The following PHYHD1 variants were observed in gnomAD, a reference collection of about 807,000 sequenced individuals.
PHYHD1 encodes phytanoyl-CoA dioxygenase domain-containing protein 1.
Under a neutral mutation model 43.6 loss-of-function variants are expected in PHYHD1, and 42 were observed. That is an observed-to-expected ratio of 0.96 (90% CI 0.75 to 1.25). The LOEUF (loss-of-function observed/expected upper bound fraction) is 1.25. Among genes scored for constraint, PHYHD1 ranks in the 50% most tolerant of loss-of-function variants. The pLI, the probability that PHYHD1 is intolerant of heterozygous loss-of-function variation, is 0.00. For missense variants in PHYHD1, 342 were observed against 370.8 expected (o/e 0.92, Z 0.64); for synonymous variants, 139 against 143.6 (o/e 0.97, Z 0.23).
intron 3 of PHYHD1, among the ~76,000 whole-genome samples, chr9:128,926,224 C>T (rs865794412): frequency 6.6e-6 from 1 of 152,072 alleles, no homozygotes; most frequent in Non-Finnish European, 1.5e-5. Context: ...TTTCCCTTGC[C>T]GCTCCTTTTT....
At chr9:128,941,127 G>A (rs138223342) in intron 11 of PHYHD1, among the ~76,000 whole-genome samples, 569 of 152,282 alleles carry the variant, frequency 3.7e-3, no homozygotes, top group African/African-American at 0.013. Context: ...CAGCATCACC[G>A]GAGAGGTCCC....
chr9:128,933,921 C>T lies in PHYHD1; in HGVS notation c.268+64C>T, dbSNP rs1841360749. 2.1e-5 allele frequency: 33 copies of T among 1,604,984 alleles called. No homozygotes were observed. The South Asian group carries it at 3.1e-4, about 15-fold the overall frequency. ...GTGAGGGTAGGCTGGACCTGGGAAT[C>T]TGCCCCCTGGGCTGGAAGCATGCTG... On this transcript the variant is annotated intron_variant, in intron 5 of 12. Transcript: ENST00000372592.
rs1258300033 is a variant in PHYHD1, at chr9:128,932,184, AT to A, written c.193-1586del. Among the ~76,000 whole-genome samples the A allele has an allele frequency of 7.1e-3, 770 of 108,622 alleles. 14 individuals carry two copies. Among genetic ancestry groups the A allele is most frequent in the African/African-American group, 0.028 (662 of 23,894 alleles). 71.3% of individuals were successfully genotyped at this position (108,622 alleles called of 152,430 possible). A position where few individuals can be genotyped will look rare whatever the true frequency, so the allele number is the denominator to read the frequency against. ...TATTATTATTGTTATTATTATTATT[AT>A]TTTTTTTTTTTGAGATGGAGTCTCG... On this transcript the variant is annotated intron_variant, in intron 4 of 12. Coordinates refer to ENST00000372592, the MANE Select transcript of PHYHD1 (RefSeq NM_001100876.2).
chr9:128,926,943 C>A (rs751801459), intron 3 of PHYHD1, 95 bp from the exon 4 acceptor site: 125 of 1,557,780 alleles, frequency 8.0e-5, no homozygotes, highest in Non-Finnish European at 1.0e-4. Context: ...AAACAAGATA[C>A]CTGGTCCCAC....
chr9:128,937,955 C>A, intron 9 of PHYHD1, 177 bp downstream of exon 9: 1 of 1,488,750 alleles, frequency 6.7e-7, no homozygotes, highest in South Asian at 1.3e-5. Context: ...GTAGGGAAAC[C>A]TTGCGTCCTT....
intron 4 of PHYHD1, among the ~76,000 whole-genome samples, chr9:128,930,774 C>T (rs1480916128): frequency 6.6e-6 from 1 of 151,942 alleles, no homozygotes; most frequent in East Asian, 1.9e-4. Context: ...ACAGTGAAAC[C>T]CCATCTCTAC....
At chr9:128,936,561 C>T (rs1211399904) in intron 7 of PHYHD1, 22 bp from the exon 8 acceptor site, 1 of 1,603,266 alleles carries the variant, frequency 6.2e-7, no homozygotes. Flanking sequence ...AGGCTGGCAG[C>T]ATGACCTTTG....
At chr9:128,926,253 G>A (rs10988155) in intron 3 of PHYHD1, among the ~76,000 whole-genome samples, 42,932 of 152,022 alleles carry the variant, frequency 0.28, 7,409 homozygotes, top group Non-Finnish European at 0.39. Flanking sequence ...TTTTTGAGAC[G>A]GAGTTTCGCT....
chr9:128,933,876 A>G lies in PHYHD1; in HGVS notation c.268+19A>G. ...GAGAAAGGTTTGGAGCTGGGGCCCT[A>G]GAGCTGGGGAGGAGCCATGGTGAGG... On this transcript the variant is annotated intron_variant, in intron 5 of 12. Coordinates refer to ENST00000372592, the MANE Select transcript of PHYHD1 (RefSeq NM_001100876.2). The G allele has an allele frequency of 6.2e-7, 1 of 1,612,226 alleles. No individual in the cohort carries two copies. The highest frequency in any genetic ancestry group is 1.3e-5 in the African/African-American group (1 of 75,012).
Position 128,940,585 on chromosome 9 carries a change from A to G in PHYHD1, c.587-14A>G. The G allele has an allele frequency of 6.2e-7, 1 of 1,614,096 alleles. No individual in the cohort carries two copies. Among genetic ancestry groups the G allele is most frequent in the Non-Finnish European group, 8.5e-7 (1 of 1,179,962 alleles). On this transcript the variant is annotated splice_polypyrimidine_tract_variant and intron_variant, in intron 10 of 12. Coordinates refer to ENST00000372592, the MANE Select transcript of PHYHD1 (RefSeq NM_001100876.2). ...AGAAAGGAGGAGTTTAAGGCTCTCCATCTTGGCCTGCAGGTGGTGTGTCAA... is the reference window on the plus strand; with the variant it reads ...AGAAAGGAGGAGTTTAAGGCTCTCCGTCTTGGCCTGCAGGTGGTGTGTCAA...
In PHYHD1 at chr9:128,934,061, G is replaced by A. The variant is rs780010892; in HGVS notation, c.316+3G>A. On this transcript the variant is annotated splice_donor_region_variant and intron_variant, in intron 6 of 12. Coordinates refer to ENST00000372592, the MANE Select transcript of PHYHD1 (RefSeq NM_001100876.2). ...ATCCATCAACAAAATTGGCCACGGT[G>A]AGCAGGGGCTTGGGGGTACAGGAAA... 1.5e-5 allele frequency: 25 copies of A among 1,613,386 alleles called. No homozygotes were observed. Among genetic ancestry groups the A allele is most frequent in the Non-Finnish European group, 2.1e-5 (25 of 1,179,600 alleles).
intron 4 of PHYHD1, among the ~76,000 whole-genome samples, chr9:128,933,307 C>T (rs527268019): frequency 7.2e-5 from 11 of 152,026 alleles, no homozygotes; most frequent in Admixed American, 5.9e-4. Flanking sequence ...GTGCCTACCA[C>T]GCCCAGCTGT....
chr9:128,931,687 G>A (rs1289082354), intron 4 of PHYHD1, among the ~76,000 whole-genome samples: 1 of 151,988 alleles, frequency 6.6e-6, no homozygotes, highest in Non-Finnish European at 1.5e-5. Flanking sequence ...ACCACACCCG[G>A]CTAATTTTTT....
chr9:128,922,726 G>A (rs1212443292), intron 3 of PHYHD1, among the ~76,000 whole-genome samples: 1 of 152,220 alleles, frequency 6.6e-6, no homozygotes, highest in Admixed American at 6.5e-5. Flanking sequence ...ATCACAAAAG[G>A]CTACCTCGTA....
intron 6 of PHYHD1, among the ~76,000 whole-genome samples, chr9:128,934,819 C>T (rs961831552): frequency 2.0e-5 from 3 of 151,534 alleles, no homozygotes; most frequent in Non-Finnish European, 1.5e-5. Flanking sequence ...AATTAGTGGT[C>T]GGGTAAATGG....
chr9:128,938,715 G>A lies in PHYHD1; in HGVS notation c.457+937G>A, dbSNP rs772471326. The stretch of plus-strand genomic sequence containing the variant: ...TGGGATTACAGGGATGAGCCACCGC[G>A]CCCGGCCCTGGAATCTGTATTTTTA... On this transcript the variant is annotated intron_variant, in intron 9 of 12. Coordinates refer to ENST00000372592, the MANE Select transcript of PHYHD1 (RefSeq NM_001100876.2). Among the ~76,000 whole-genome samples, 4 of 131,826 alleles carry A rather than the reference G, an allele frequency of 3.0e-5. 1 individual carries two copies. Among genetic ancestry groups the A allele is most frequent in the Non-Finnish European group, 7.1e-5 (4 of 56,512 alleles). The allele number at this position is 131,826 out of a possible 152,430, so 86.5% of individuals were successfully genotyped here.
At chr9:128,931,028 G>A (rs1442658361) in intron 4 of PHYHD1, among the ~76,000 whole-genome samples, 1 of 151,880 alleles carries the variant, frequency 6.6e-6, no homozygotes, top group Non-Finnish European at 1.5e-5. Context: ...TCTGGGTTTT[G>A]GGAGGCTGAG....
intron 9 of PHYHD1, 194 bp downstream of exon 9, chr9:128,937,972 G>T: frequency 6.8e-7 from 1 of 1,467,022 alleles, no homozygotes; most frequent in Non-Finnish European, 9.0e-7. Flanking sequence ...CCTTGGCATA[G>T]TGGGTCCTGA....
chr9:128,925,376 C>T (rs1376714802), intron 3 of PHYHD1, among the ~76,000 whole-genome samples: 1 of 151,816 alleles, frequency 6.6e-6, no homozygotes, highest in African/African-American at 2.4e-5. Flanking sequence ...CAGGTGCCCG[C>T]CACCGCACCT....
Sources: gnomAD v4.1 joint callset for allele counts (sites outside exome capture counted in the v4.1 genomes callset) on GRCh38, gnomAD v4.1.1 for gene constraint, MANE v1.5 for transcripts, NCBI Gene and HGNC (gene_info 2026-07-23, HGNC 2026-07-21) for gene names.